Variants in MAP3K21 observed in about 807,000 individuals in gnomAD.
MAP3K21 encodes the protein mitogen-activated protein kinase kinase kinase 21.
MAP3K21 carries 63 observed loss-of-function variants against 86.1 expected under a neutral mutation model. The observed-to-expected ratio is 0.73, with a 90% CI of 0.60 to 0.90. The LOEUF (loss-of-function observed/expected upper bound fraction) is 0.90. MAP3K21 is among the 40% of genes least tolerant of loss of function. MAP3K21 has a pLI of 0.00. For synonymous variants in MAP3K21, 558 were observed against 564.8 expected, an observed-to-expected ratio of 0.99 and a Z score of 0.17; for missense variants, 1,220 against 1,367.7, an observed-to-expected ratio of 0.89 and a Z score of 1.70.
intron 2 of MAP3K21, among the ~76,000 whole-genome samples, chr1:233,351,522 G>T (rs1340667425): frequency 6.6e-6 from 1 of 151,864 alleles, no homozygotes; most frequent in African/African-American, 2.4e-5. Context: ...GAAACCCCGT[G>T]TCTACTAAAA....
intron 4 of MAP3K21, among the ~76,000 whole-genome samples, chr1:233,359,657 C>T (rs536943209): frequency 6.6e-5 from 10 of 152,298 alleles, no homozygotes; most frequent in African/African-American, 2.4e-4. Flanking sequence ...TGTGCATGCA[C>T]CTGTCTGTGA....
intron 6 of MAP3K21, 142 bp from the exon 7 acceptor site, chr1:233,375,774 T>C (rs896443392): frequency 1.6e-6 from 1 of 612,828 alleles, no homozygotes; most frequent in Non-Finnish European, 2.8e-6. Context: ...AGAGATTGGG[T>C]GAAATAAATA....
At chr1:233,382,238 C>T (rs1233461037) in intron 9 of MAP3K21, 67 bp from the exon 10 acceptor site, 3 of 1,330,234 alleles carry the variant, frequency 2.3e-6, no homozygotes, top group African/African-American at 2.9e-5. Context: ...AATTATTTTT[C>T]TTGATATTCA....
At chr1:233,359,408 T>G (rs1408052979) in intron 4 of MAP3K21, among the ~76,000 whole-genome samples, 1 of 152,178 alleles carries the variant, frequency 6.6e-6, no homozygotes, top group African/African-American at 2.4e-5. Flanking sequence ...ATATAATGCT[T>G]TTTTTTGGCT....
At chr1:233,335,200 G>A (rs1325724525) in intron 1 of MAP3K21, among the ~76,000 whole-genome samples, 1 of 152,080 alleles carries the variant, frequency 6.6e-6, no homozygotes, top group African/African-American at 2.4e-5. Flanking sequence ...ATTTTAATGG[G>A]CAGAGGGTTT....
In MAP3K21 at chr1:233,346,625, G is replaced by A. The variant is rs747810847; in HGVS notation, c.986+3G>A. On this transcript the variant is annotated splice_donor_region_variant and intron_variant, in intron 2 of 9. Transcript: ENST00000366624. ...TCTAAGGGAAGCGACATCTGGAGGT[G>A]AGCCTTTCCTTTTGCAAACATCGGC... 1.2e-6 allele frequency: 2 copies of A among 1,612,580 alleles called. No homozygotes were observed. The highest frequency in any genetic ancestry group is 2.2e-5 in the East Asian group (1 of 44,838).
chr1:233,353,192 A>G (rs534815631), intron 2 of MAP3K21, among the ~76,000 whole-genome samples: 1 of 152,088 alleles, frequency 6.6e-6, no homozygotes, highest in African/African-American at 2.4e-5. Flanking sequence ...CAAAAAAGAG[A>G]CGTATGTCCT....
At chr1:233,335,658 A>G (rs1662898581) in intron 1 of MAP3K21, among the ~76,000 whole-genome samples, 1 of 152,168 alleles carries the variant, frequency 6.6e-6, no homozygotes, top group Non-Finnish European at 1.5e-5. Flanking sequence ...GTCTCCGTAT[A>G]TTGCCTGGAT....
chr1:233,333,594 A>C (rs959920916), intron 1 of MAP3K21, among the ~76,000 whole-genome samples: 1 of 56,514 alleles, frequency 1.8e-5, no homozygotes, highest in African/African-American at 5.3e-5. Context: ...CAAATATTAA[A>C]ATTAAAAAAA....
In MAP3K21 at chr1:233,372,584, T is replaced by G. The variant is rs527648826; in HGVS notation, c.1675+424T>G. On this transcript the variant is annotated intron_variant, in intron 6 of 9. Transcript: ENST00000366624. The stretch of plus-strand genomic sequence containing the variant: ...GGAAAAAATTTTTGCTTTTCAGGAT[T>G]TAACTTTAATTCACTTTAGGTTTGA... 1.2e-4 allele frequency: 21 copies of G among 180,048 alleles called. 1 individual carries two copies. The South Asian group carries it at 3.5e-3, about 30-fold the overall frequency. The allele number at this position is 180,048 out of a possible 1,614,324, so 11.2% of individuals were successfully genotyped here.
chr1:233,367,908 T>A (rs984417350), intron 5 of MAP3K21, among the ~76,000 whole-genome samples: 1 of 151,774 alleles, frequency 6.6e-6, no homozygotes, highest in Non-Finnish European at 1.5e-5. Flanking sequence ...ACATAAAGTA[T>A]GCTTTTCAAG....
chr1:233,375,164 G>A (rs1401720174), intron 6 of MAP3K21, among the ~76,000 whole-genome samples: 1 of 151,858 alleles, frequency 6.6e-6, no homozygotes, highest in Non-Finnish European at 1.5e-5. Flanking sequence ...GGCTGGTCTC[G>A]AAGTCCTGAC....
chr1:233,344,569 C>CA (rs1663098368), intron 1 of MAP3K21, among the ~76,000 whole-genome samples: 1 of 152,100 alleles, frequency 6.6e-6, no homozygotes. Context: ...ACACCTTATA[C>CA]AAAAATCAAT....
intron 5 of MAP3K21, among the ~76,000 whole-genome samples, chr1:233,366,271 A>G (rs1396823794): frequency 6.6e-6 from 1 of 152,168 alleles, no homozygotes; most frequent in Non-Finnish European, 1.5e-5. Context: ...GAGTTCTGGT[A>G]TTCTGCAATA....
At chr1:233,330,743 A>G (rs1014981064) in intron 1 of MAP3K21, among the ~76,000 whole-genome samples, 1 of 152,228 alleles carries the variant, frequency 6.6e-6, no homozygotes. Flanking sequence ...TAAAGGGCCT[A>G]TAGCTATTAC....
At chr1:233,357,673 G>A (rs973483245) in intron 4 of MAP3K21, among the ~76,000 whole-genome samples, 9 of 152,180 alleles carry the variant, frequency 5.9e-5, no homozygotes, top group Non-Finnish European at 1.2e-4. Context: ...GCATGGGAGA[G>A]GATGGGGGAG....
intron 6 of MAP3K21, among the ~76,000 whole-genome samples, chr1:233,374,684 T>C (rs991923219): frequency 4.0e-5 from 6 of 151,684 alleles, no homozygotes; most frequent in African/African-American, 1.5e-4. Flanking sequence ...CTGTGTTTAG[T>C]AACTTCTCCT....
rs56268427 is a variant in MAP3K21, at chr1:233,353,936, G to A, written c.1116G>A (p.Pro372=). 8.4e-3 allele frequency: 13,489 copies of A among 1,604,142 alleles called. 957 individuals carry two copies. The African/African-American group carries it at 0.16, about 18-fold the overall frequency. Residue 372 remains proline, a synonymous_variant, in exon 3 of 10, where the codon CCG becomes CCA. Coordinates refer to ENST00000366624, the MANE Select transcript of MAP3K21 (RefSeq NM_032435.3). ...TLPIPSTCPE[P]FAKLMKECWQ... ...CCATTCCATCCACCTGCCCTGAGCC[G>A]TTTGCCAAGCTCATGAAAGGTATTG...
At chr1:233,341,228 C>T (rs1663034447) in intron 1 of MAP3K21, among the ~76,000 whole-genome samples, 1 of 152,182 alleles carries the variant, frequency 6.6e-6, no homozygotes, top group African/African-American at 2.4e-5. Context: ...TGGTGACCAG[C>T]TAGTGCACTG....
Sources: gnomAD v4.1 joint callset for allele counts (sites outside exome capture counted in the v4.1 genomes callset) on GRCh38, gnomAD v4.1.1 for gene constraint, MANE v1.5 for transcripts, NCBI Gene and HGNC (gene_info 2026-07-23, HGNC 2026-07-21) for gene names.